CACNA2D2: variants seen among roughly 807,000 people sequenced by gnomAD.
CACNA2D2 encodes the protein voltage-dependent calcium channel subunit alpha-2/delta-2.
CACNA2D2 carries 48 observed loss-of-function variants against 166.4 expected under a neutral mutation model. The ratio of observed to expected loss-of-function variants is 0.29; its 90% CI spans 0.23 to 0.37. CACNA2D2 has a LOEUF of 0.37. Among genes scored for constraint, CACNA2D2 ranks in the 10% least tolerant of loss-of-function variants. The pLI, the probability that CACNA2D2 is intolerant of heterozygous loss-of-function variation, is 1.00. For synonymous variants in CACNA2D2, 561 were observed against 573.7 expected (o/e 0.98, Z 0.32); for missense variants, 1,122 against 1,433.0 (o/e 0.78, Z 3.50).
At position 50,365,379 on chromosome 3, in the gene CACNA2D2, G is replaced by A. The variant is rs375525172; in HGVS notation, c.3075C>T (p.Ile1025=). ...ACCTGGAGCAGTTTCCGCAGTCGAT[G>A]ATGGCGTTGTAGGAGGCGTTTACCG... ...FGSVNASYNA[I]IDCGNCSRLF... The change falls in exon 35 of 38, where the codon ATC becomes ATT. Residue 1025 remains isoleucine, a synonymous_variant. Coordinates refer to ENST00000424201, the MANE Select transcript of CACNA2D2 (RefSeq NM_006030.4). This position sits in a 1 kb window ranked among gnomAD's most constrained non-coding sequence, Gnocchi z 4.5. 1.2e-6 allele frequency: 2 copies of A among 1,613,448 alleles called. No homozygotes were observed. Among genetic ancestry groups the A allele is most frequent in the Non-Finnish European group, 1.7e-6 (2 of 1,179,854 alleles).
chr3:50,421,949 G>A (rs900472118), intron 3 of CACNA2D2, among the ~76,000 whole-genome samples: 30 of 152,224 alleles, frequency 2.0e-4, no homozygotes, highest in South Asian at 1.5e-3. Flanking sequence ...GAATACGAGA[G>A]GCAGGCAGGA....
At chr3:50,472,335 A>G (rs962672055) in intron 2 of CACNA2D2, among the ~76,000 whole-genome samples, 14 of 152,206 alleles carry the variant, frequency 9.2e-5, no homozygotes, top group African/African-American at 3.4e-4. Context: ...CGCGCAAGCT[A>G]TGAGTGGTTG....
At chr3:50,459,528 A>G (rs771822901) in intron 2 of CACNA2D2, among the ~76,000 whole-genome samples, 29 of 152,102 alleles carry the variant, frequency 1.9e-4, no homozygotes, top group Non-Finnish European at 3.7e-4. Context: ...CCTTGGCACT[A>G]CAGGGTGTCA....
In CACNA2D2 at chr3:50,364,571, G is replaced by A. The variant is rs947781237; in HGVS notation, c.*95C>T. ...CAGCTCAGGTCCTTCAGTGAGGGAG[G>A]GACGAGGCTCTAAGGCGGGGAGTGT... On this transcript the variant is annotated 3_prime_UTR_variant, in exon 38 of 38. Coordinates refer to ENST00000424201, the MANE Select transcript of CACNA2D2 (RefSeq NM_006030.4). The A allele has an allele frequency of 1.4e-4, 186 of 1,376,384 alleles. No homozygotes were observed. Among genetic ancestry groups the A allele is most frequent in the Non-Finnish European group, 1.7e-4 (182 of 1,043,900 alleles). The allele number at this position is 1,376,384 out of a possible 1,614,324, so 85.3% of individuals were successfully genotyped here.
chr3:50,482,288 G>A (rs1036565645), intron 1 of CACNA2D2, among the ~76,000 whole-genome samples: 2 of 152,196 alleles, frequency 1.3e-5, no homozygotes, highest in Non-Finnish European at 2.9e-5. Context: ...CAGGACGGTG[G>A]CATCTCCTGG....
Position 50,365,535 on chromosome 3 carries a change from C to T in CACNA2D2, c.2972-53G>A. 3.7e-6 allele frequency: 6 copies of T among 1,602,718 alleles called. No homozygotes were observed. The highest frequency in any genetic ancestry group is 2.2e-5 in the South Asian group (2 of 89,854). On this transcript the variant is annotated intron_variant, in intron 34 of 37. Coordinates refer to ENST00000424201, the MANE Select transcript of CACNA2D2 (RefSeq NM_006030.4). The surrounding 1 kb of genome is among the most constrained non-coding windows in gnomAD (Gnocchi z 4.5). ...CGCCCACAGACCCTGGCAAGGTCTCCGGCCTCCCTCAGTCGTAGACCCCAC... is the reference window on the plus strand; with the variant it reads ...CGCCCACAGACCCTGGCAAGGTCTCTGGCCTCCCTCAGTCGTAGACCCCAC...
At chr3:50,406,143 T>C (rs1277652610) in intron 3 of CACNA2D2, among the ~76,000 whole-genome samples, 1 of 151,766 alleles carries the variant, frequency 6.6e-6, no homozygotes, top group Non-Finnish European at 1.5e-5. Context: ...GCCATCCAGG[T>C]GACCGCTAAT....
chr3:50,387,620 G>A lies in CACNA2D2; in HGVS notation c.466-8C>T, dbSNP rs760735803. ...GTACACGATGTCTTCCTCCTGGTGA[G>A]GGGAGAGAGGCCTCAGCACTAGCTG... On this transcript the variant is annotated splice_polypyrimidine_tract_variant and splice_region_variant and intron_variant, in intron 4 of 37. Coordinates refer to ENST00000424201, the MANE Select transcript of CACNA2D2 (RefSeq NM_006030.4). 6.2e-7 allele frequency: 1 copy of A among 1,611,538 alleles called. No individual in the cohort carries two copies. The highest frequency in any genetic ancestry group is 1.7e-5 in the Admixed American group (1 of 59,876).
chr3:50,380,811 G>A lies in CACNA2D2; in HGVS notation c.785-6C>T. 1 of 1,544,800 alleles carries A rather than the reference G, an allele frequency of 6.5e-7. No individual in the cohort carries two copies. The highest frequency in any genetic ancestry group is 8.7e-7 in the Non-Finnish European group (1 of 1,146,142). ...GGGGGCTCGCCACGGGGTGGCTGAG[G>A]GAGGAGAGAAGGTGAGGGGGACTGG... On this transcript the variant is annotated splice_region_variant and splice_polypyrimidine_tract_variant and intron_variant, in intron 7 of 37. Coordinates refer to ENST00000424201, the MANE Select transcript of CACNA2D2 (RefSeq NM_006030.4). This position sits in a 1 kb window ranked among gnomAD's most constrained non-coding sequence, Gnocchi z 4.9.
intron 2 of CACNA2D2, among the ~76,000 whole-genome samples, chr3:50,446,674 T>A (rs1708862491): frequency 6.6e-6 from 1 of 152,214 alleles, no homozygotes; most frequent in African/African-American, 2.4e-5. Context: ...GAGCTTTTTC[T>A]CAGACAGTTG....
At chr3:50,404,608 G>A (rs901068179) in intron 3 of CACNA2D2, among the ~76,000 whole-genome samples, 8 of 152,174 alleles carry the variant, frequency 5.3e-5, no homozygotes, top group Non-Finnish European at 1.0e-4. Flanking sequence ...CATGGCTCAG[G>A]GGCAGGACAT....
chr3:50,439,374 A>G (rs1708486845), intron 2 of CACNA2D2, among the ~76,000 whole-genome samples: 1 of 152,384 alleles, frequency 6.6e-6, no homozygotes, highest in East Asian at 1.9e-4. Context: ...GAAGGTGAAC[A>G]GCCCTAATCT....
At chr3:50,421,874 C>T (rs529481139) in intron 3 of CACNA2D2, among the ~76,000 whole-genome samples, 1 of 152,210 alleles carries the variant, frequency 6.6e-6, no homozygotes, top group South Asian at 2.1e-4. Context: ...GGGAACTGCT[C>T]ACTGATGCAC....
At chr3:50,371,706 T>C (rs2109425983) in intron 22 of CACNA2D2, among the ~76,000 whole-genome samples, 1 of 152,146 alleles carries the variant, frequency 6.6e-6, no homozygotes, top group Middle Eastern at 3.4e-3. Flanking sequence ...ACTGTTCCTT[T>C]CTGATAGGAC....
chr3:50,366,536 T>C lies in CACNA2D2; in HGVS notation c.2637+42A>G. On this transcript the variant is annotated intron_variant, in intron 30 of 37. Coordinates refer to ENST00000424201, the MANE Select transcript of CACNA2D2 (RefSeq NM_006030.4). This position sits in a 1 kb window ranked among gnomAD's most constrained non-coding sequence, Gnocchi z 5.9. ...CGGCTGGGACTAGGAAGTCTGGAAG[T>C]GGGGTAAGCTAGGGTCCAGGGTAGG... 1 of 1,606,852 alleles carries C rather than the reference T, an allele frequency of 6.2e-7. No individual in the cohort carries two copies. Among genetic ancestry groups the C allele is most frequent in the Non-Finnish European group, 8.5e-7 (1 of 1,173,516 alleles).
intron 1 of CACNA2D2, among the ~76,000 whole-genome samples, chr3:50,491,229 G>A (rs1698507239): frequency 1.3e-5 from 2 of 152,220 alleles, no homozygotes; most frequent in South Asian, 4.1e-4. Context: ...TGCAGATGAG[G>A]TGGCAGGGGG....
In CACNA2D2 at chr3:50,363,728, G is replaced by A. The variant is rs890347434; in HGVS notation, c.*938C>T. The A allele has an allele frequency of 6.4e-6, 1 of 156,414 alleles. No homozygotes were observed. The highest frequency in any genetic ancestry group is 2.4e-5 in the African/African-American group (1 of 41,594). The allele number at this position is 156,414 out of a possible 1,614,324, so 9.7% of individuals were successfully genotyped here. A position where few individuals can be genotyped will look rare whatever the true frequency, so the allele number is the denominator to read the frequency against. Reference sequence around the variant, plus strand: ...GTCCCACTGGGGGCCTGACACTAGTGAGAAATGGTTACAATGAGCACCTGG... The same window carrying A: ...GTCCCACTGGGGGCCTGACACTAGTAAGAAATGGTTACAATGAGCACCTGG... On this transcript the variant is annotated 3_prime_UTR_variant, in exon 38 of 38. Transcript: ENST00000424201.
At chr3:50,450,459 A>C (rs944369162) in intron 2 of CACNA2D2, among the ~76,000 whole-genome samples, 5 of 151,650 alleles carry the variant, frequency 3.3e-5, no homozygotes, top group African/African-American at 1.2e-4. Flanking sequence ...ATGTGTGTTT[A>C]AGGAAATGAA....
chr3:50,404,447 G>A (rs545887874), intron 3 of CACNA2D2, among the ~76,000 whole-genome samples: 3 of 152,278 alleles, frequency 2.0e-5, no homozygotes, highest in African/African-American at 4.8e-5. Flanking sequence ...GGCAGAGGGT[G>A]GTGGACAGGA....
Sources: allele counts gnomAD v4.1 joint callset (sites outside exome capture counted in the v4.1 genomes callset), GRCh38; gene constraint gnomAD v4.1.1; non-coding constraint Gnocchi (gnomAD v3.1); transcripts MANE v1.5; gene names NCBI Gene and HGNC (gene_info 2026-07-23, HGNC 2026-07-21).